Variants in ZNF69 observed in about 807,000 individuals in gnomAD.
ZNF69 encodes ZNF3.
ZNF69 carries 47 observed loss-of-function variants against 50.9 expected under a neutral mutation model. The ratio of observed to expected loss-of-function variants is 0.92; its 90% confidence interval spans 0.73 to 1.18. The LOEUF (loss-of-function observed/expected upper bound fraction) is 1.18. Among genes scored for constraint, ZNF69 ranks in the 50% most tolerant of loss-of-function variants. The probability of loss-of-function intolerance (pLI) is 0.00; values close to 1 mark genes in which losing one functional copy is unlikely to be tolerated. For missense variants in ZNF69, 717 were observed against 675.1 expected, an observed-to-expected ratio of 1.06 and a Z score of -0.69; for synonymous variants, 216 against 223.1, an observed-to-expected ratio of 0.97 and a Z score of 0.29.
the ZNF69 span, among the ~76,000 whole-genome samples, chr19:11,925,662 C>T: frequency 6.6e-6 from 1 of 152,194 alleles, no homozygotes. Flanking sequence ...CCCACTTTCT[C>T]CTGTTAAAAA....
the ZNF69 span, among the ~76,000 whole-genome samples, chr19:11,962,401 G>C: frequency 6.6e-6 from 1 of 152,212 alleles, no homozygotes; most frequent in African/African-American, 2.4e-5. Context: ...TCCATGTCCT[G>C]TTTCCCAGGC....
chr19:11,979,803 A>G, the ZNF69 span: 1 of 1,575,606 alleles, frequency 6.3e-7, no homozygotes, highest in South Asian at 1.1e-5. Flanking sequence ...TATGAGTGTA[A>G]GGAATGTGGG....
At chr19:11,919,561 C>T in the ZNF69 span, among the ~76,000 whole-genome samples, 1 of 152,234 alleles carries the variant, frequency 6.6e-6, no homozygotes, top group African/African-American at 2.4e-5. Flanking sequence ...AGTTTAAAAC[C>T]AGCCTGGGCC....
chr19:11,903,473 T>C (rs1167243103), intron 1 of ZNF69, 100 bp from the exon 2 acceptor site: 4 of 1,552,722 alleles, frequency 2.6e-6, no homozygotes, highest in Middle Eastern at 1.7e-4. Context: ...CTGATGACCC[T>C]TGGAGTCCAC....
downstream of ZNF69, among the ~76,000 whole-genome samples, chr19:11,909,622 T>C (rs942922919): frequency 2.6e-5 from 4 of 152,226 alleles, no homozygotes; most frequent in Non-Finnish European, 4.4e-5. Context: ...TCCACAGCCC[T>C]TTATGCTAAA....
At chr19:11,976,064 A>C in the ZNF69 span, among the ~76,000 whole-genome samples, 1 of 145,722 alleles carries the variant, frequency 6.9e-6, no homozygotes, top group Non-Finnish European at 1.5e-5. Context: ...TCTATCTAGC[A>C]TGCCGGATTT....
At chr19:11,925,843 ACC>A in the ZNF69 span, among the ~76,000 whole-genome samples, 1 of 152,092 alleles carries the variant, frequency 6.6e-6, no homozygotes, top group East Asian at 1.9e-4. Context: ...GGGAAACACA[ACC>A]CCAAGCAGCC....
Position 11,905,530 on chromosome 19 carries a change from A to C in ZNF69, c.1133A>C (p.His378Pro), listed in dbSNP as rs1015122390. 2.5e-6 allele frequency: 4 copies of C among 1,614,070 alleles called. No individual in the cohort carries two copies. Among genetic ancestry groups the C allele is most frequent in the Non-Finnish European group, 2.5e-6 (3 of 1,180,014 alleles). The change falls in exon 4 of 4, where the codon CAT becomes CCT. Residue 378 changes from histidine (H) to proline (P), a missense_variant. Physicochemically the swap from His to Pro is moderately conservative, Grantham distance 77. Coordinates refer to ENST00000429654, the MANE Select transcript of ZNF69 (RefSeq NM_001364730.1). ...GFCSANSFQR[H>P]EKTHSGEKPY... The stretch of plus-strand genomic sequence containing the variant: ...TGTTCTGCCAATTCATTTCAAAGAC[A>C]TGAAAAAACTCACAGTGGAGAGAAA...
At chr19:11,919,143 C>T (rs1048197625), downstream of ZNF69, among the ~76,000 whole-genome samples, 1 of 152,172 alleles carries the variant, frequency 6.6e-6, no homozygotes, top group East Asian at 1.9e-4. Context: ...GATCCGCCTA[C>T]CTTGGCCTCC....
At chr19:11,915,152 G>A (rs1972510603), downstream of ZNF69, among the ~76,000 whole-genome samples, 1 of 152,170 alleles carries the variant, frequency 6.6e-6, no homozygotes, top group African/African-American at 2.4e-5. Flanking sequence ...ACAGTGAACT[G>A]AGATCACACC....
chr19:11,924,991 C>G, the ZNF69 span: 1 of 488,308 alleles, frequency 2.0e-6, no homozygotes, highest in Non-Finnish European at 3.7e-6. Flanking sequence ...GGGCCTGATA[C>G]CCAGGGCTTC....
chr19:11,947,678 T>A, the ZNF69 span: 3 of 1,124,010 alleles, frequency 2.7e-6, no homozygotes, highest in Admixed American at 6.7e-5. Flanking sequence ...AGCATCAAAT[T>A]CATTTCTTCT....
At chr19:11,970,304 G>A in the ZNF69 span, among the ~76,000 whole-genome samples, 6 of 152,360 alleles carry the variant, frequency 3.9e-5, no homozygotes, top group Admixed American at 6.5e-5. Context: ...CCACAGGGAG[G>A]TGGTCACCAG....
At chr19:11,903,522 C>T (rs772040077) in intron 1 of ZNF69, 51 bp from the exon 2 acceptor site, 292 of 1,609,376 alleles carry the variant, frequency 1.8e-4, no homozygotes, top group Non-Finnish European at 2.4e-4. Flanking sequence ...GTCTAGGCCC[C>T]CAGTGCTGTC....
chr19:11,919,518 G>A, the ZNF69 span, among the ~76,000 whole-genome samples: 2 of 152,146 alleles, frequency 1.3e-5, no homozygotes, highest in Non-Finnish European at 2.9e-5. Context: ...CAGTATTTGG[G>A]AGGCCGAGGC....
the ZNF69 span, among the ~76,000 whole-genome samples, chr19:11,963,022 T>G: frequency 6.6e-6 from 1 of 151,572 alleles, no homozygotes. Context: ...CCACCTGTTA[T>G]GTTTTACAAT....
chr19:11,964,828 C>T, the ZNF69 span, among the ~76,000 whole-genome samples: 1 of 152,204 alleles, frequency 6.6e-6, no homozygotes, highest in Non-Finnish European at 1.5e-5. Context: ...GGCTGAAATG[C>T]AAATATCCAA....
the ZNF69 span, among the ~76,000 whole-genome samples, chr19:11,976,178 A>G: frequency 6.6e-6 from 1 of 150,742 alleles, no homozygotes; most frequent in Non-Finnish European, 1.5e-5. Flanking sequence ...CTTTGGGAAC[A>G]GGCATTTTCA....
In ZNF69 at chr19:11,912,804, A is replaced by G. The variant is rs539538557; in HGVS notation, c.449-605A>G. ...ATGAATGTAAGCAGTATGGGAAAGC[A>G]TTCAGACCTGACAAGATTCTTTGAA... On this transcript the variant is annotated intron_variant, in intron 4 of 4. Coordinates refer to the ZNF69 transcript ENST00000340180. 9.8e-5 allele frequency among the ~76,000 whole-genome samples: 15 copies of G among 152,370 alleles called. No individual in the cohort carries two copies. In the South Asian group the frequency reaches 2.7e-3, roughly 27 times the overall value.
Sources: gnomAD v4.1 joint callset for allele counts (sites outside exome capture counted in the v4.1 genomes callset) on GRCh38, gnomAD v4.1.1 for gene constraint, MANE v1.5 for transcripts, NCBI Gene and HGNC (gene_info 2026-07-23, HGNC 2026-07-21) for gene names.